Variants in ESRRG observed in about 807,000 individuals in gnomAD.
ESRRG encodes estrogen related receptor gamma.
Under a neutral mutation model 44.0 loss-of-function variants are expected in ESRRG, and 13 were observed. The observed-to-expected ratio is 0.30, with a 90% CI of 0.19 to 0.47. ESRRG has a LOEUF of 0.47. Ranked by LOEUF, ESRRG falls within the 20% of genes least tolerant of loss-of-function variation. The probability of loss-of-function intolerance (pLI) is 1.00; values close to 1 mark genes in which losing one functional copy is unlikely to be tolerated. For synonymous variants in ESRRG, 215 were observed against 214.6 expected, an observed-to-expected ratio of 1.00 and a Z score of -0.02; for missense variants, 395 against 580.6, an observed-to-expected ratio of 0.68 and a Z score of 3.29.
At chr1:217,007,192 A>G (rs1373870394) in intron 1 of ESRRG, among the ~76,000 whole-genome samples, 2 of 152,166 alleles carry the variant, frequency 1.3e-5, no homozygotes, top group South Asian at 2.1e-4. Context: ...ATTCTAATGT[A>G]GTAGATTGTT....
At chr1:216,519,509 T>C in intron 5 of ESRRG, 88 bp from the exon 6 acceptor site, 1 of 1,278,976 alleles carries the variant, frequency 7.8e-7, no homozygotes. Context: ...GGCTTCTGCA[T>C]CAGTGCTCAA....
intron 5 of ESRRG, among the ~76,000 whole-genome samples, chr1:216,539,263 C>A (rs1229794694): frequency 6.6e-6 from 1 of 151,752 alleles, no homozygotes; most frequent in East Asian, 1.9e-4. Context: ...TATTTGCTGA[C>A]AATTTCTTTA....
intron 6 of ESRRG, among the ~76,000 whole-genome samples, chr1:216,516,668 C>CACACACACACACACACAGAGAG (rs376701865): frequency 2.2e-4 from 30 of 137,240 alleles, no homozygotes; most frequent in African/African-American, 7.6e-4. Flanking sequence ...CACACACACA[C>CACACACACACACACACAGAGAG]AGAGAGAGAG....
intron 3 of ESRRG, among the ~76,000 whole-genome samples, chr1:216,646,476 G>A (rs1160725440): frequency 1.3e-5 from 2 of 152,112 alleles, no homozygotes; most frequent in Non-Finnish European, 2.9e-5. Flanking sequence ...ATAGGCTAAA[G>A]CGAGTTAGTC....
At chr1:216,642,394 T>C (rs2066619452) in intron 3 of ESRRG, among the ~76,000 whole-genome samples, 1 of 151,974 alleles carries the variant, frequency 6.6e-6, no homozygotes, top group African/African-American at 2.4e-5. Context: ...AAGTTTCATA[T>C]CAACAAAACG....
At chr1:216,803,258 C>T (rs1199576021) in intron 2 of ESRRG, among the ~76,000 whole-genome samples, 2 of 152,146 alleles carry the variant, frequency 1.3e-5, no homozygotes, top group African/African-American at 4.8e-5. Context: ...AGCACATCCA[C>T]ACTACACGAG....
intron 1 of ESRRG, among the ~76,000 whole-genome samples, chr1:217,041,701 T>G (rs975226740): frequency 3.9e-5 from 6 of 152,330 alleles, no homozygotes; most frequent in African/African-American, 1.4e-4. Context: ...TAAACAGGCA[T>G]CTGACTGTCA....
At chr1:217,069,723 C>T (rs1240431972) in intron 1 of ESRRG, among the ~76,000 whole-genome samples, 3 of 152,134 alleles carry the variant, frequency 2.0e-5, no homozygotes, top group African/African-American at 4.8e-5. Flanking sequence ...GTCTGCTCTA[C>T]AGAGTGCCAG....
At chr1:217,022,855 G>A (rs972691437) in intron 1 of ESRRG, among the ~76,000 whole-genome samples, 1 of 152,112 alleles carries the variant, frequency 6.6e-6, no homozygotes, top group Admixed American at 6.5e-5. Context: ...AAGGAAGGGA[G>A]GGAGGAAGGT....
chr1:216,716,373 TC>T lies in ESRRG; in HGVS notation c.56+6870del, dbSNP rs2084882058. ...TCATTACATTTATACTAGCCATCAA[TC>T]TGATATGAGAATTTATTGGTAGCTT... On this transcript the variant is annotated intron_variant, in intron 1 of 6. Coordinates refer to ENST00000408911, the MANE Select transcript of ESRRG (RefSeq NM_001438.4). Among the ~76,000 whole-genome samples, 5 of 152,048 alleles carry T rather than the reference TC, an allele frequency of 3.3e-5. No homozygotes were observed. The South Asian group carries it at 1.0e-3, about 31-fold the overall frequency.
chr1:216,620,093 T>G (rs12239412), intron 3 of ESRRG, among the ~76,000 whole-genome samples: 4,627 of 152,244 alleles, frequency 0.03, 236 homozygotes, highest in African/African-American at 0.11. Flanking sequence ...CACACTCTAA[T>G]AGCAAAGAAT....
intron 1 of ESRRG, among the ~76,000 whole-genome samples, chr1:217,001,319 C>A (rs986944982): frequency 6.6e-6 from 1 of 152,158 alleles, no homozygotes; most frequent in Non-Finnish European, 1.5e-5. Context: ...ACTTGATTAC[C>A]GTCTTTACAG....
intron 2 of ESRRG, among the ~76,000 whole-genome samples, chr1:216,882,928 T>A (rs1481156763): frequency 6.6e-6 from 1 of 151,726 alleles, no homozygotes; most frequent in African/African-American, 2.4e-5. Context: ...TTGGAAATCA[T>A]TGTCTGAAAA....
intron 1 of ESRRG, among the ~76,000 whole-genome samples, chr1:217,116,179 C>T (rs1158142951): frequency 6.6e-6 from 1 of 152,080 alleles, no homozygotes; most frequent in African/African-American, 2.4e-5. Context: ...TTAAGATAGG[C>T]ACTTTTCCAT....
intron 1 of ESRRG, among the ~76,000 whole-genome samples, chr1:217,101,790 TTA>T (rs1237711142): frequency 4.7e-4 from 5 of 10,700 alleles, no homozygotes; most frequent in Non-Finnish European, 5.9e-3. Flanking sequence ...AAACAACATT[TTA>T]TTTTTTTTTT....
At chr1:216,508,324 A>G (rs1003012454) in intron 6 of ESRRG, among the ~76,000 whole-genome samples, 1 of 152,192 alleles carries the variant, frequency 6.6e-6, no homozygotes, top group East Asian at 1.9e-4. Context: ...TTTCACTTAC[A>G]TTGTCATTTT....
chr1:216,857,878 TA>T, intron 2 of ESRRG, among the ~76,000 whole-genome samples: 2 of 152,284 alleles, frequency 1.3e-5, no homozygotes, highest in African/African-American at 2.4e-5. Flanking sequence ...CTAATTTTGT[TA>T]AAAAACTTTT....
At chr1:216,784,383 C>G (rs1039135397) in intron 2 of ESRRG, among the ~76,000 whole-genome samples, 1 of 151,994 alleles carries the variant, frequency 6.6e-6, no homozygotes, top group African/African-American at 2.4e-5. Flanking sequence ...TAGTAATTCT[C>G]TATCTGAGTT....
At chr1:216,706,449 T>C (rs1286771849) in intron 1 of ESRRG, among the ~76,000 whole-genome samples, 1 of 152,192 alleles carries the variant, frequency 6.6e-6, no homozygotes, top group East Asian at 1.9e-4. Flanking sequence ...ATGCTGGCTG[T>C]GCCCACGTTG....
Sources: gnomAD v4.1 joint callset for allele counts (sites outside exome capture counted in the v4.1 genomes callset) on GRCh38, gnomAD v4.1.1 for gene constraint, MANE v1.5 for transcripts, NCBI Gene and HGNC (gene_info 2026-07-23, HGNC 2026-07-21) for gene names.